The following FHIT variants were observed in gnomAD, a reference collection of about 807,000 sequenced individuals.
FHIT encodes bis(5'-adenosyl)-triphosphatase.
In FHIT, 19 loss-of-function variants were observed where a neutral mutation model predicts 17.9. That is an observed-to-expected ratio of 1.06 (90% CI 0.74 to 1.56). The LOEUF is 1.56. Ranked by LOEUF, FHIT falls within the 40% of genes most tolerant of loss-of-function variation. The pLI is 0.00. For synonymous variants in FHIT, 81 were observed against 69.7 expected (o/e 1.16, Z -0.81); for missense variants, 248 against 189.2 (o/e 1.31, Z -1.82).
chr3:61,158,686 A>ATT (rs1311266195), intron 2 of FHIT, among the ~76,000 whole-genome samples: 1 of 152,172 alleles, frequency 6.6e-6, no homozygotes, highest in Non-Finnish European at 1.5e-5. Context: ...TTTTGAGGAC[A>ATT]TTTTTACAAA....
chr3:60,902,334 C>T (rs1706160547), intron 3 of FHIT, among the ~76,000 whole-genome samples: 1 of 152,138 alleles, frequency 6.6e-6, no homozygotes, highest in Admixed American at 6.5e-5. Flanking sequence ...GTAATTTATG[C>T]CTTTTTATTG....
chr3:60,895,634 T>A (rs1575656687), intron 3 of FHIT, among the ~76,000 whole-genome samples: 1 of 151,832 alleles, frequency 6.6e-6, no homozygotes, highest in South Asian at 2.1e-4. Flanking sequence ...CCTTTCTCCC[T>A]TCTTTCCTTC....
chr3:59,783,129 C>T (rs1240954191), intron 8 of FHIT, among the ~76,000 whole-genome samples: 1 of 152,134 alleles, frequency 6.6e-6, no homozygotes, highest in East Asian at 1.9e-4. Context: ...TGTTTCCATC[C>T]TCCTGGCCCA....
intron 4 of FHIT, among the ~76,000 whole-genome samples, chr3:60,677,764 T>A (rs138728393): frequency 2.4e-4 from 36 of 152,268 alleles, no homozygotes; most frequent in South Asian, 8.3e-4. Flanking sequence ...TTTGCACATT[T>A]TGTAGAATTT....
chr3:60,419,485 CA>C (rs900219354), intron 5 of FHIT, among the ~76,000 whole-genome samples: 16 of 152,234 alleles, frequency 1.1e-4, no homozygotes, highest in Non-Finnish European at 1.8e-4. Context: ...TTGTTTTTTA[CA>C]TTTCTGAAAG....
At chr3:60,289,133 G>A (rs1707863138) in intron 5 of FHIT, among the ~76,000 whole-genome samples, 1 of 152,136 alleles carries the variant, frequency 6.6e-6, no homozygotes, top group Non-Finnish European at 1.5e-5. Context: ...AAAGAAAGAG[G>A]AGGAAAGAAG....
chr3:60,003,573 C>G (rs1699809223), intron 7 of FHIT, among the ~76,000 whole-genome samples: 2 of 152,042 alleles, frequency 1.3e-5, no homozygotes, highest in Non-Finnish European at 2.9e-5. Flanking sequence ...GATGAAACCT[C>G]ATCTCTATTA....
chr3:60,604,111 G>A (rs183596071), intron 4 of FHIT, among the ~76,000 whole-genome samples: 1 of 152,296 alleles, frequency 6.6e-6, no homozygotes, highest in Admixed American at 6.5e-5. Flanking sequence ...TTGTGCAGCA[G>A]AAGAGAAGGC....
rs1183620039 is a variant in FHIT, at chr3:60,691,027, A to C, written c.-18+130892T>G. On this transcript the variant is annotated intron_variant, in intron 4 of 9. Transcript: ENST00000492590. ...CCTGTGTGTGTGAAGGATTTTTTTT[A>C]CTTTATTCTTTAAAAAATTACCAAG... is the stretch of plus-strand genomic sequence containing the variant. 6.6e-5 allele frequency among the ~76,000 whole-genome samples: 10 copies of C among 152,160 alleles called. No individual in the cohort carries two copies. In the East Asian group the frequency reaches 1.9e-3, roughly 29 times the overall value.
chr3:60,449,024 T>G (rs1240553233), intron 5 of FHIT, among the ~76,000 whole-genome samples: 1 of 152,152 alleles, frequency 6.6e-6, no homozygotes, highest in African/African-American at 2.4e-5. Flanking sequence ...GTTTCTAAGC[T>G]TGAATAAAGA....
intron 8 of FHIT, among the ~76,000 whole-genome samples, chr3:59,899,088 C>A (rs1001541162): frequency 6.6e-6 from 1 of 152,170 alleles, no homozygotes; most frequent in African/African-American, 2.4e-5. Flanking sequence ...CCATGTTCCT[C>A]CCAGCCTGGA....
chr3:60,142,637 G>C (rs1014957970), intron 5 of FHIT, among the ~76,000 whole-genome samples: 1 of 151,526 alleles, frequency 6.6e-6, no homozygotes, highest in Non-Finnish European at 1.5e-5. Flanking sequence ...AAGTAGCTGG[G>C]ACTATAGGTG....
intron 5 of FHIT, among the ~76,000 whole-genome samples, chr3:60,079,964 G>C (rs1031817058): frequency 6.6e-6 from 1 of 151,962 alleles, no homozygotes; most frequent in Non-Finnish European, 1.5e-5. Context: ...CCAATATGTT[G>C]TAAATATTAT....
chr3:61,199,359 T>G (rs2038949281), intron 2 of FHIT, among the ~76,000 whole-genome samples: 1 of 152,222 alleles, frequency 6.6e-6, no homozygotes, highest in South Asian at 2.1e-4. Flanking sequence ...AAGTATTTCT[T>G]TATTCCAAGA....
chr3:61,191,973 G>A (rs1191895486), intron 2 of FHIT, among the ~76,000 whole-genome samples: 1 of 152,108 alleles, frequency 6.6e-6, no homozygotes, highest in Non-Finnish European at 1.5e-5. Context: ...GAGACTTAAG[G>A]GGAAGTCAGC....
At chr3:59,948,568 A>G (rs1241610054) in intron 7 of FHIT, among the ~76,000 whole-genome samples, 1 of 151,746 alleles carries the variant, frequency 6.6e-6, no homozygotes, top group Non-Finnish European at 1.5e-5. Flanking sequence ...ATAAATCACT[A>G]TTTTCCAGAG....
intron 5 of FHIT, among the ~76,000 whole-genome samples, chr3:60,117,444 A>G (rs1458260349): frequency 6.7e-6 from 1 of 149,414 alleles, no homozygotes; most frequent in Admixed American, 6.7e-5. Context: ...TTCCTGTACT[A>G]TAATGTCAAT....
chr3:60,064,183 G>T (rs1702404954), intron 5 of FHIT, among the ~76,000 whole-genome samples: 1 of 152,040 alleles, frequency 6.6e-6, no homozygotes, highest in African/African-American at 2.4e-5. Context: ...TTATAGGTAT[G>T]GCTAATTTGA....
intron 8 of FHIT, among the ~76,000 whole-genome samples, chr3:59,810,540 G>A (rs546787740): frequency 6.6e-6 from 1 of 152,230 alleles, no homozygotes; most frequent in East Asian, 1.9e-4. Context: ...CTTACCAAAC[G>A]AGTACATTTT....
Sources: allele counts gnomAD v4.1 joint callset (sites outside exome capture counted in the v4.1 genomes callset), GRCh38; gene constraint gnomAD v4.1.1; transcripts MANE v1.5; gene names NCBI Gene and HGNC (gene_info 2026-07-23, HGNC 2026-07-21).